Variants in RNF24 observed in about 807,000 individuals in gnomAD.
RNF24 encodes the protein ring finger protein 24.
In RNF24, 14 loss-of-function variants were observed where a neutral mutation model predicts 20.0. That is an observed-to-expected ratio of 0.70 (90% CI 0.46 to 1.10). The LOEUF is 1.10. RNF24 is among the 50% of genes least tolerant of loss of function. The probability of loss-of-function intolerance (pLI) is 0.00; values close to 1 mark genes in which losing one functional copy is unlikely to be tolerated. For synonymous variants in RNF24, 45 were observed against 61.1 expected (o/e 0.74, Z 1.23); for missense variants, 124 against 177.6 (o/e 0.70, Z 1.71).
rs1682073297 is a variant in RNF24 at position 3,931,402 on chromosome 20, A to AAAT, written c.*2658_*2660dup. ...CCCTAACTCATTCCTTTTTCAAAAT[A>AAAT]AATAAAAAAAGGACTGTCTTTCAAA... is the stretch of plus-strand genomic sequence containing the variant. On this transcript the variant is annotated 3_prime_UTR_variant, in exon 6 of 6. Transcript: ENST00000358395. The AAAT allele has an allele frequency of 6.6e-6, 1 of 152,152 alleles. No homozygotes were observed. Among genetic ancestry groups the AAAT allele is most frequent in the African/African-American group, 2.4e-5 (1 of 41,436 alleles). The allele number at this position is 152,152 out of a possible 1,614,324, so 9.4% of individuals were successfully genotyped here. A position where few individuals can be genotyped will look rare whatever the true frequency, so the allele number is the denominator to read the frequency against.
chr20:3,964,562 C>A lies in RNF24; in HGVS notation c.-7-538G>T, dbSNP rs1471181521. Among the ~76,000 whole-genome samples the A allele has an allele frequency of 2.0e-5, 3 of 151,964 alleles. No individual in the cohort carries two copies. The East Asian group carries it at 5.8e-4, about 29-fold the overall frequency. ...TTTGAGACAGGGTCTCATTCTGTCA[C>A]CCCAGGCTGGAGTGCAATGGTGTGA... On this transcript the variant is annotated intron_variant, in intron 1 of 5. Coordinates refer to ENST00000358395, the MANE Select transcript of RNF24 (RefSeq NM_001134337.3).
intron 1 of RNF24, among the ~76,000 whole-genome samples, chr20:4,009,274 T>C (rs534474085): frequency 3.3e-5 from 5 of 152,188 alleles, no homozygotes; most frequent in African/African-American, 1.2e-4. Flanking sequence ...TAGAAAGGGA[T>C]AGAGGAGGGT....
chr20:3,995,400 ATAC>A (rs1417587508), intron 1 of RNF24, among the ~76,000 whole-genome samples: 1 of 152,206 alleles, frequency 6.6e-6, no homozygotes, highest in Non-Finnish European at 1.5e-5. Flanking sequence ...AGGGTACAGA[ATAC>A]TGAGAAACAG....
At chr20:3,968,747 T>A (rs950143599) in intron 1 of RNF24, among the ~76,000 whole-genome samples, 2 of 152,276 alleles carry the variant, frequency 1.3e-5, no homozygotes, top group African/African-American at 4.8e-5. Flanking sequence ...AGATTAAAAA[T>A]TTTAAAAACA....
At chr20:3,965,195 C>G (rs924028523) in intron 1 of RNF24, among the ~76,000 whole-genome samples, 3 of 152,144 alleles carry the variant, frequency 2.0e-5, no homozygotes, top group African/African-American at 7.2e-5. Flanking sequence ...GGAATTATAA[C>G]TATGAATACT....
intron 1 of RNF24, among the ~76,000 whole-genome samples, chr20:4,001,122 C>T (rs1981351396): frequency 1.3e-5 from 2 of 152,022 alleles, no homozygotes; most frequent in African/African-American, 4.8e-5. Flanking sequence ...AAAAAATTAG[C>T]CGGGCGTGGT....
intron 2 of RNF24, among the ~76,000 whole-genome samples, chr20:3,951,042 G>A (rs1198239987): frequency 6.6e-6 from 1 of 152,040 alleles, no homozygotes; most frequent in East Asian, 1.9e-4. Flanking sequence ...TGCAAGCTCC[G>A]CCTCCTGGGT....
chr20:3,972,602 T>G (rs946983381), intron 1 of RNF24, among the ~76,000 whole-genome samples: 1 of 152,156 alleles, frequency 6.6e-6, no homozygotes, highest in South Asian at 2.1e-4. Context: ...ACTGAATTGA[T>G]TGAAAATGAA....
At position 3,975,525 on chromosome 20, in the gene RNF24, T is replaced by C. The variant is rs147460588; in HGVS notation, c.-7-11501A>G. 2.7e-3 allele frequency among the ~76,000 whole-genome samples: 413 copies of C among 152,286 alleles called. 1 individual carries two copies. Among genetic ancestry groups the C allele is most frequent in the Non-Finnish European group, 4.9e-3 (331 of 68,026 alleles). ...GTATGCCTGATAAAGGGCTAATATCTAAACACAAAATTCAATAGTAAAAAA... is the reference window on the plus strand; with the variant it reads ...GTATGCCTGATAAAGGGCTAATATCCAAACACAAAATTCAATAGTAAAAAA... On this transcript the variant is annotated intron_variant, in intron 1 of 5. Transcript: ENST00000358395.
In RNF24 at chr20:3,933,518, G is replaced by T; in HGVS notation, c.*545C>A. ...ATCCTGAGGGGGAAATGGGTGACGA[G>T]GAACACTGCTACTCAAAGCCAAGAT... is the stretch of plus-strand genomic sequence containing the variant. On this transcript the variant is annotated 3_prime_UTR_variant, in exon 6 of 6. Coordinates refer to ENST00000358395, the MANE Select transcript of RNF24 (RefSeq NM_001134337.3). 1 of 227,490 alleles carries T rather than the reference G, an allele frequency of 4.4e-6. No individual in the cohort carries two copies. The highest frequency in any genetic ancestry group is 8.5e-6 in the Non-Finnish European group (1 of 118,084). 14.1% of individuals were successfully genotyped at this position (227,490 alleles called of 1,614,324 possible). A position where few individuals can be genotyped will look rare whatever the true frequency, so the allele number is the denominator to read the frequency against.
intron 2 of RNF24, among the ~76,000 whole-genome samples, chr20:3,962,741 G>A (rs1406082025): frequency 7.1e-6 from 1 of 141,284 alleles, no homozygotes; most frequent in African/African-American, 2.7e-5. Context: ...ACGGAGTTTT[G>A]TTCTTGTTGT....
At chr20:3,942,202 C>T (rs241625) in intron 4 of RNF24, among the ~76,000 whole-genome samples, 49,396 of 150,476 alleles carry the variant, frequency 0.33, 9,262 homozygotes, top group African/African-American at 0.52. Context: ...AGGTTCTTGC[C>T]CTGTCACCCA....
intron 1 of RNF24, among the ~76,000 whole-genome samples, chr20:4,008,546 A>ATAT: frequency 8.2e-6 from 1 of 121,622 alleles, no homozygotes; most frequent in Non-Finnish European, 1.6e-5. Context: ...TATATATTAT[A>ATAT]TATATATATA....
intron 1 of RNF24, among the ~76,000 whole-genome samples, chr20:3,974,010 C>A (rs1978627715): frequency 6.7e-6 from 1 of 149,242 alleles, no homozygotes; most frequent in Admixed American, 6.7e-5. Context: ...TAGAATTTTA[C>A]AACACCATGA....
chr20:4,011,941 G>C (rs539863036), intron 1 of RNF24, among the ~76,000 whole-genome samples: 1 of 152,240 alleles, frequency 6.6e-6, no homozygotes, highest in African/African-American at 2.4e-5. Flanking sequence ...AATGAAATAA[G>C]TATAAAGGTA....
chr20:3,998,192 G>C (rs1290529275), intron 1 of RNF24, among the ~76,000 whole-genome samples: 1 of 152,188 alleles, frequency 6.6e-6, no homozygotes, highest in Non-Finnish European at 1.5e-5. Context: ...TGTAATCCCA[G>C]CACTTTGGGA....
intron 1 of RNF24, chr20:3,974,476 T>C: frequency 7.5e-7 from 1 of 1,328,964 alleles, no homozygotes; most frequent in Non-Finnish European, 9.8e-7. Context: ...CTGAGCCTAT[T>C]TGCCACATCA....
chr20:3,977,389 T>C (rs1281338052), intron 1 of RNF24, among the ~76,000 whole-genome samples: 1 of 152,158 alleles, frequency 6.6e-6, no homozygotes, highest in East Asian at 1.9e-4. Flanking sequence ...ACAGTATGTA[T>C]AATTTTCATG....
chr20:3,941,160 C>T (rs1045146753), intron 4 of RNF24, among the ~76,000 whole-genome samples: 1 of 152,164 alleles, frequency 6.6e-6, no homozygotes, highest in Non-Finnish European at 1.5e-5. Flanking sequence ...TCCTGAGTAG[C>T]TGGGACTACA....
Sources: allele counts gnomAD v4.1 joint callset (sites outside exome capture counted in the v4.1 genomes callset), GRCh38; gene constraint gnomAD v4.1.1; transcripts MANE v1.5; gene names NCBI Gene and HGNC (gene_info 2026-07-23, HGNC 2026-07-21).